CENPW: variants seen among roughly 807,000 people sequenced by gnomAD.
CENPW encodes the protein cancer-up-regulated gene 2 protein.
CENPW carries 3 observed loss-of-function variants against 11.1 expected under a neutral mutation model. The observed-to-expected ratio is 0.27, with a 90% CI of 0.12 to 0.70. The LOEUF is 0.70. Ranked by LOEUF, CENPW falls within the 30% of genes least tolerant of loss-of-function variation. The pLI, the probability that CENPW is intolerant of heterozygous loss-of-function variation, is 0.77. For synonymous variants in CENPW, 38 were observed against 42.0 expected (o/e 0.91, Z 0.37); for missense variants, 100 against 105.6 (o/e 0.95, Z 0.23).
the CENPW span, among the ~76,000 whole-genome samples, chr6:126,375,046 A>G: frequency 6.6e-6 from 1 of 152,188 alleles, no homozygotes; most frequent in South Asian, 2.1e-4. Flanking sequence ...AGCTTTTATA[A>G]TCCTCATTCA....
At chr6:126,361,709 A>C in the CENPW span, among the ~76,000 whole-genome samples, 1 of 151,878 alleles carries the variant, frequency 6.6e-6, no homozygotes, top group South Asian at 2.1e-4. Flanking sequence ...CACCACTCTC[A>C]TTTTTCTTTT....
chr6:126,372,251 C>T, the CENPW span, among the ~76,000 whole-genome samples: 1 of 152,012 alleles, frequency 6.6e-6, no homozygotes, highest in African/African-American at 2.4e-5. Context: ...CCAGATGACA[C>T]CAGCAAGAAA....
intron 1 of CENPW, among the ~76,000 whole-genome samples, chr6:126,343,952 C>T (rs1780360836): frequency 6.6e-6 from 1 of 152,040 alleles, no homozygotes; most frequent in Non-Finnish European, 1.5e-5. Flanking sequence ...CTCATGGCCA[C>T]GAAGAGGAAA....
chr6:126,363,198 G>T, the CENPW span, among the ~76,000 whole-genome samples: 1 of 152,194 alleles, frequency 6.6e-6, no homozygotes, highest in South Asian at 2.1e-4. Flanking sequence ...TTCGTATTCA[G>T]ATGGAGAGAT....
At chr6:126,407,532 T>G in the CENPW span, among the ~76,000 whole-genome samples, 1 of 152,206 alleles carries the variant, frequency 6.6e-6, no homozygotes. Flanking sequence ...ATGGTTGAAT[T>G]AATTTTCATA....
the CENPW span, among the ~76,000 whole-genome samples, chr6:126,454,435 T>G: frequency 4.6e-5 from 7 of 151,220 alleles, no homozygotes; most frequent in African/African-American, 1.7e-4. Flanking sequence ...AATCCTAGAA[T>G]TACATGTAAA....
chr6:126,379,937 A>G, the CENPW span, among the ~76,000 whole-genome samples: 28 of 152,318 alleles, frequency 1.8e-4, no homozygotes, highest in African/African-American at 6.5e-4. Flanking sequence ...GTTCCCATAA[A>G]TTGTCTGAAG....
chr6:126,368,124 T>C, the CENPW span, among the ~76,000 whole-genome samples: 4 of 152,238 alleles, frequency 2.6e-5, no homozygotes, highest in Non-Finnish European at 5.9e-5. Context: ...AAGGCCTTTC[T>C]TCGTCTTTGT....
the CENPW span, among the ~76,000 whole-genome samples, chr6:126,466,680 C>A: frequency 9.9e-5 from 15 of 152,138 alleles, no homozygotes; most frequent in Non-Finnish European, 1.9e-4. Context: ...ACATTTAAGT[C>A]TTTTATCCAT....
chr6:126,473,484 C>A, the CENPW span, among the ~76,000 whole-genome samples: 4 of 152,012 alleles, frequency 2.6e-5, no homozygotes, highest in African/African-American at 9.7e-5. Context: ...GTAATCTCAG[C>A]GCTTTGGGAG....
chr6:126,374,747 C>A, the CENPW span, among the ~76,000 whole-genome samples: 1 of 152,146 alleles, frequency 6.6e-6, no homozygotes, highest in Non-Finnish European at 1.5e-5. Context: ...AATTTAAAGT[C>A]AACTCCAAGT....
chr6:126,469,192 C>A, the CENPW span, among the ~76,000 whole-genome samples: 1 of 152,104 alleles, frequency 6.6e-6, no homozygotes, highest in Non-Finnish European at 1.5e-5. Flanking sequence ...AAAGGAGAGA[C>A]CTGGTGGGAG....
the CENPW span, among the ~76,000 whole-genome samples, chr6:126,452,334 T>C: frequency 6.6e-6 from 1 of 151,192 alleles, no homozygotes; most frequent in African/African-American, 2.4e-5. Flanking sequence ...GACAGAAATT[T>C]AAACATCTTA....
At chr6:126,479,913 C>T in the CENPW span, among the ~76,000 whole-genome samples, 1 of 151,650 alleles carries the variant, frequency 6.6e-6, no homozygotes, top group Admixed American at 6.6e-5. Flanking sequence ...AAACATTTTC[C>T]CAATGCTTTT....
chr6:126,445,328 T>C, the CENPW span, among the ~76,000 whole-genome samples: 1 of 151,172 alleles, frequency 6.6e-6, no homozygotes. Flanking sequence ...ATGTTGGCCA[T>C]AAAATTTTGT....
At chr6:126,408,349 A>C in the CENPW span, among the ~76,000 whole-genome samples, 1 of 152,208 alleles carries the variant, frequency 6.6e-6, no homozygotes, top group Admixed American at 6.6e-5. Context: ...GAGCAAAGGC[A>C]TGTCTTACAT....
chr6:126,439,870 T>C, the CENPW span, among the ~76,000 whole-genome samples: 1 of 151,658 alleles, frequency 6.6e-6, no homozygotes, highest in African/African-American at 2.4e-5. Flanking sequence ...AAACCATTCA[T>C]CCATAACTTC....
At chr6:126,383,471 C>G in the CENPW span, among the ~76,000 whole-genome samples, 2 of 151,992 alleles carry the variant, frequency 1.3e-5, no homozygotes, top group Non-Finnish European at 2.9e-5. Context: ...TTGAAAGGCA[C>G]AGAGTAGAAA....
chr6:126,397,825 A>G, the CENPW span, among the ~76,000 whole-genome samples: 1 of 152,074 alleles, frequency 6.6e-6, no homozygotes, highest in Non-Finnish European at 1.5e-5. Flanking sequence ...CCTTGTTTCA[A>G]TTCCTCAACC....
Sources: gnomAD v4.1 joint callset for allele counts (sites outside exome capture counted in the v4.1 genomes callset) on GRCh38, gnomAD v4.1.1 for gene constraint, MANE v1.5 for transcripts, NCBI Gene and HGNC (gene_info 2026-07-23, HGNC 2026-07-21) for gene names.